The following ABCA12 variants were observed in gnomAD, a reference collection of about 807,000 sequenced individuals.
The protein encoded by ABCA12 is ATP binding cassette subfamily A member 12.
In ABCA12, 156 loss-of-function variants were observed where a neutral mutation model predicts 293.5. The observed-to-expected ratio is 0.53, with a 90% CI of 0.47 to 0.61. ABCA12 has a LOEUF of 0.61. ABCA12 is among the 20% of genes least tolerant of loss of function. ABCA12 has a pLI of 0.00. For missense variants in ABCA12, 2,797 were observed against 3,090.2 expected (o/e 0.91, Z 2.25); for synonymous variants, 1,063 against 1,108.0 (o/e 0.96, Z 0.81).
intron 6 of ABCA12, among the ~76,000 whole-genome samples, chr2:215,047,933 C>T (rs1322990645): frequency 6.7e-6 from 1 of 150,062 alleles, no homozygotes; most frequent in Non-Finnish European, 1.5e-5. Flanking sequence ...TGAAAAAGGT[C>T]TAATATCCAA....
intron 23 of ABCA12, among the ~76,000 whole-genome samples, chr2:214,995,986 G>A (rs575037279): frequency 2.6e-5 from 4 of 152,224 alleles, no homozygotes; most frequent in South Asian, 2.1e-4. Flanking sequence ...GACTGAGCCC[G>A]AGTGTATATG....
rs1292200695 is a variant in ABCA12 at position 215,064,225 on chromosome 2, A to G, written c.164-6T>C. The G allele has an allele frequency of 6.2e-7, 1 of 1,612,084 alleles. No individual in the cohort carries two copies. Among genetic ancestry groups the G allele is most frequent in the African/African-American group, 1.3e-5 (1 of 74,764 alleles). ...GTTTCGAGGTGCGAGGTAACCTAAA[A>G]TTAAAAAAACAGTCATTACATCAGT... On this transcript the variant is annotated splice_polypyrimidine_tract_variant and splice_region_variant and intron_variant, in intron 2 of 52. Coordinates refer to ENST00000272895, the MANE Select transcript of ABCA12 (RefSeq NM_173076.3).
At chr2:215,115,177 T>C (rs533532250) in intron 1 of ABCA12, among the ~76,000 whole-genome samples, 1 of 152,306 alleles carries the variant, frequency 6.6e-6, no homozygotes, top group South Asian at 2.1e-4. Context: ...TATTACAAGG[T>C]TTCCCTGGGA....
chr2:215,134,384 A>G (rs181079069), intron 1 of ABCA12, among the ~76,000 whole-genome samples: 2,817 of 135,008 alleles, frequency 0.021, 50 homozygotes, highest in South Asian at 0.05. Flanking sequence ...GTATATATGT[A>G]CATATATGTA....
At chr2:215,120,683 T>G (rs1702788851) in intron 1 of ABCA12, among the ~76,000 whole-genome samples, 1 of 152,192 alleles carries the variant, frequency 6.6e-6, no homozygotes, top group Non-Finnish European at 1.5e-5. Flanking sequence ...ATATCTGCCA[T>G]ATGGTTATCC....
In ABCA12 at chr2:214,987,510, G is replaced by A. The variant is rs1199360271; in HGVS notation, c.3976+137C>T. On this transcript the variant is annotated intron_variant, in intron 27 of 52. Transcript: ENST00000272895. ...TTAATCCCCATAAGAGTCCAAAGAC[G>A]CATGTGTAGACATTTTCATCCATGA... The A allele has an allele frequency of 2.1e-5, 24 of 1,124,254 alleles. No individual in the cohort carries two copies. In the African/African-American group the frequency reaches 2.4e-4, roughly 11 times the overall value. The allele number at this position is 1,124,254 out of a possible 1,614,324, so 69.6% of individuals were successfully genotyped here.
chr2:214,988,762 A>G (rs996963034), intron 26 of ABCA12, among the ~76,000 whole-genome samples: 1 of 152,200 alleles, frequency 6.6e-6, no homozygotes, highest in Non-Finnish European at 1.5e-5. Context: ...CATCTTTTAA[A>G]GGAATATCCG....
At chr2:214,936,050 C>A (rs1011776003) in intron 51 of ABCA12, among the ~76,000 whole-genome samples, 4 of 152,102 alleles carry the variant, frequency 2.6e-5, no homozygotes, top group African/African-American at 9.7e-5. Context: ...TAGTAGTACT[C>A]CCTTATTTGT....
intron 2 of ABCA12, among the ~76,000 whole-genome samples, chr2:215,103,731 T>C (rs765929606): frequency 1.3e-5 from 2 of 152,246 alleles, no homozygotes; most frequent in Non-Finnish European, 2.9e-5. Context: ...AACACTTTTA[T>C]AGCTCTTACC....
chr2:215,038,213 T>C (rs543546895), intron 7 of ABCA12, among the ~76,000 whole-genome samples: 1 of 152,270 alleles, frequency 6.6e-6, no homozygotes, highest in South Asian at 2.1e-4. Context: ...TAAAAATATA[T>C]GCATATATAT....
intron 47 of ABCA12, 96 bp from the exon 48 acceptor site, chr2:214,947,652 G>A: frequency 7.3e-7 from 1 of 1,377,802 alleles, no homozygotes; most frequent in Non-Finnish European, 1.0e-6. Context: ...AAAAGAAAAT[G>A]TTATCATGGA....
chr2:215,134,593 C>A lies in ABCA12; in HGVS notation c.69+3547G>T, dbSNP rs551510247. 5.5e-3 allele frequency among the ~76,000 whole-genome samples: 448 copies of A among 81,496 alleles called. 60 individuals are homozygous for A. Among genetic ancestry groups the A allele is most frequent in the African/African-American group, 0.039 (411 of 10,604 alleles). The allele number at this position is 81,496 out of a possible 152,430, so 53.5% of individuals were successfully genotyped here. The stretch of plus-strand genomic sequence containing the variant: ...ATATATATAATCTCTCTCTCTCTCT[C>A]TCTCTCTATATATATATATATATAG... On this transcript the variant is annotated intron_variant, in intron 1 of 52. Coordinates refer to ENST00000272895, the MANE Select transcript of ABCA12 (RefSeq NM_173076.3).
In ABCA12 at chr2:214,982,271, C is replaced by A. The variant is rs776518775; in HGVS notation, c.4495G>T (p.Val1499Leu). 6.2e-7 allele frequency: 1 copy of A among 1,614,048 alleles called. No individual in the cohort carries two copies. Among genetic ancestry groups the A allele is most frequent in the Non-Finnish European group, 8.5e-7 (1 of 1,179,994 alleles). Residue 1499 changes from valine (V) to leucine (L), a missense_variant, in exon 30 of 53, where the codon GTA (valine) becomes TTA (leucine). This residue lies in a region of ABCA12 where 2,130 missense variants were observed against 2,427.0 expected (regional missense o/e 0.88). Coordinates refer to ENST00000272895, the MANE Select transcript of ABCA12 (RefSeq NM_173076.3). ...GTAGATGGTTCATCCAAAATTACTACCCTTGATCCACCAATGAGAGCTATG... is the reference window on the plus strand; with the variant it reads ...GTAGATGGTTCATCCAAAATTACTAACCTTGATCCACCAATGAGAGCTATG... ...ISIALIGGSR[V>L]VILDEPSTGV...
intron 2 of ABCA12, among the ~76,000 whole-genome samples, chr2:215,104,544 G>T (rs1226564551): frequency 6.6e-6 from 1 of 152,120 alleles, no homozygotes; most frequent in Non-Finnish European, 1.5e-5. Flanking sequence ...GGACACTGGA[G>T]GAAACAGGGT....
intron 32 of ABCA12, 73 bp from the exon 33 acceptor site, chr2:214,978,539 G>A: frequency 6.5e-7 from 1 of 1,543,378 alleles, no homozygotes; most frequent in Non-Finnish European, 8.8e-7. Context: ...GCTTACCTTT[G>A]ATTTTGAACT....
chr2:215,085,140 G>A (rs1248826308), intron 2 of ABCA12, among the ~76,000 whole-genome samples: 1 of 150,526 alleles, frequency 6.6e-6, no homozygotes, highest in East Asian at 1.9e-4. Flanking sequence ...ACACATTGTT[G>A]ACTAAAATGA....
chr2:214,966,734 A>G (rs1699268435), intron 39 of ABCA12, 114 bp downstream of exon 39: 3 of 923,166 alleles, frequency 3.2e-6, no homozygotes, highest in East Asian at 5.2e-5. Flanking sequence ...AAGACCTGTG[A>G]TTTAGATACC....
intron 44 of ABCA12, among the ~76,000 whole-genome samples, chr2:214,951,583 C>G (rs1698772840): frequency 6.6e-6 from 1 of 152,114 alleles, no homozygotes; most frequent in Non-Finnish European, 1.5e-5. Flanking sequence ...CTGGCAAAAC[C>G]CTGTCTCTAC....
At position 215,111,670 on chromosome 2, in the gene ABCA12, G is replaced by C. The variant is rs760914602; in HGVS notation, c.90C>G (p.Ile30Met). 1.2e-6 allele frequency: 2 copies of C among 1,613,388 alleles called. No homozygotes were observed. The highest frequency in any genetic ancestry group is 1.7e-6 in the Non-Finnish European group (2 of 1,179,610). ...KRQPLWTLVL[I>M]LWPVIIFIIL... ...TTATGAAAATAATGACTGGCCATAA[G>C]ATCAAGACAAGTGTCCAAAGCTGCA... Residue 30 changes from isoleucine to methionine, a missense_variant, in exon 2 of 53, where the codon ATC becomes ATG. Around this residue, in one of 3 missense-constraint regions of ABCA12, gnomAD observed 656 missense variants for 638.2 expected, o/e 1.03. Transcript: ENST00000272895.
Sources: allele counts gnomAD v4.1 joint callset (sites outside exome capture counted in the v4.1 genomes callset), GRCh38; gene constraint gnomAD v4.1.1; regional missense constraint gnomAD v4.1.1; transcripts MANE v1.5; gene names NCBI Gene and HGNC (gene_info 2026-07-23, HGNC 2026-07-21).